KDM4C: variants seen among roughly 807,000 people sequenced by gnomAD.
KDM4C encodes lysine-specific demethylase 4C.
Under a neutral mutation model 129.3 loss-of-function variants are expected in KDM4C, and 81 were observed. The observed-to-expected ratio is 0.63, with a 90% CI of 0.52 to 0.75. The LOEUF (loss-of-function observed/expected upper bound fraction) is 0.75, where lower values mean the gene tolerates loss of function less well. KDM4C is among the 30% of genes least tolerant of loss of function. KDM4C has a pLI of 0.00. For missense variants in KDM4C, 1,457 were observed against 1,304.0 expected, an observed-to-expected ratio of 1.12 and a Z score of -1.81; for synonymous variants, 573 against 456.1, an observed-to-expected ratio of 1.26 and a Z score of -3.26.
At chr9:7,085,173 G>C (rs949270474) in intron 17 of KDM4C, among the ~76,000 whole-genome samples, 1 of 152,218 alleles carries the variant, frequency 6.6e-6, no homozygotes, top group Non-Finnish European at 1.5e-5. Flanking sequence ...AACCAGGAAG[G>C]GGCATTGGAG....
At chr9:6,827,825 G>T (rs981807096) in intron 4 of KDM4C, among the ~76,000 whole-genome samples, 1 of 152,212 alleles carries the variant, frequency 6.6e-6, no homozygotes, top group East Asian at 1.9e-4. Flanking sequence ...GTGAAATAAG[G>T]CTTCTAGGTA....
At chr9:7,153,456 TG>T (rs569744900) in intron 19 of KDM4C, among the ~76,000 whole-genome samples, 3 of 152,200 alleles carry the variant, frequency 2.0e-5, no homozygotes, top group African/African-American at 2.4e-5. Flanking sequence ...ATCCTTACAC[TG>T]GGGGGTATTG....
At chr9:6,967,875 C>G (rs1242403687) in intron 8 of KDM4C, among the ~76,000 whole-genome samples, 8 of 152,288 alleles carry the variant, frequency 5.3e-5, no homozygotes, top group Non-Finnish European at 1.0e-4. Flanking sequence ...GTCTTTACCA[C>G]TTGCATATTC....
At chr9:7,021,965 A>G (rs1242959398) in intron 15 of KDM4C, among the ~76,000 whole-genome samples, 3 of 152,162 alleles carry the variant, frequency 2.0e-5, no homozygotes, top group African/African-American at 7.2e-5. Flanking sequence ...AGTTTACTGT[A>G]GATGTATGGA....
chr9:6,772,172 CAG>C (rs752935251), intron 1 of KDM4C, among the ~76,000 whole-genome samples: 1 of 151,760 alleles, frequency 6.6e-6, no homozygotes, highest in Non-Finnish European at 1.5e-5. Context: ...TTTTTTGAGA[CAG>C]AGTCTCACTC....
At chr9:6,933,384 GC>G (rs1435540050) in intron 8 of KDM4C, among the ~76,000 whole-genome samples, 1 of 152,162 alleles carries the variant, frequency 6.6e-6, no homozygotes, top group Non-Finnish European at 1.5e-5. Context: ...TACATGCACT[GC>G]TTGGTGAGGG....
intron 8 of KDM4C, among the ~76,000 whole-genome samples, chr9:6,976,460 C>T (rs1450396297): frequency 1.3e-5 from 2 of 152,114 alleles, no homozygotes; most frequent in African/African-American, 4.8e-5. Context: ...ATTCAGAGGG[C>T]AATTTGTATT....
chr9:6,793,008 A>C lies in KDM4C; in HGVS notation c.20A>C (p.Glu7Ala), dbSNP rs372123977. 3.7e-6 allele frequency: 6 copies of C among 1,614,214 alleles called. No individual in the cohort carries two copies. Among genetic ancestry groups the C allele is most frequent in the Non-Finnish European group, 5.1e-6 (6 of 1,180,046 alleles). Residue 7 changes from glutamate to alanine, a missense_variant, in exon 2 of 22, where the codon GAA (glutamate) becomes GCA (alanine). By Grantham distance (107) the Glu-to-Ala change is moderately radical (BLOSUM62 -1). Coordinates refer to ENST00000381309, the MANE Select transcript of KDM4C (RefSeq NM_015061.6). ...ACCATCATGGAGGTGGCCGAGGTGG[A>C]AAGTCCTCTGAACCCCAGCTGTAAG... MEVAEVESPLNPSCKIM... is the reference protein window; with the variant it reads MEVAEVASPLNPSCKIM...
At chr9:6,874,007 C>T (rs535044551) in intron 5 of KDM4C, among the ~76,000 whole-genome samples, 3 of 152,072 alleles carry the variant, frequency 2.0e-5, no homozygotes, top group Admixed American at 2.0e-4. Context: ...AGAACACACA[C>T]ATTTATTATG....
chr9:6,936,734 A>T (rs761991429), intron 8 of KDM4C, among the ~76,000 whole-genome samples: 1 of 152,224 alleles, frequency 6.6e-6, no homozygotes, highest in Admixed American at 6.5e-5. Context: ...GGTTAAGAGC[A>T]CAGGCTTTTG....
At chr9:6,894,088 A>G (rs1238928400) in intron 8 of KDM4C, among the ~76,000 whole-genome samples, 2 of 152,250 alleles carry the variant, frequency 1.3e-5, no homozygotes, top group African/African-American at 2.4e-5. Flanking sequence ...GCTCAACTGA[A>G]TATCATTCAT....
At chr9:7,118,570 AC>A (rs1418547303) in intron 18 of KDM4C, among the ~76,000 whole-genome samples, 2 of 152,224 alleles carry the variant, frequency 1.3e-5, no homozygotes, top group African/African-American at 4.8e-5. Flanking sequence ...TTGAAAAAAT[AC>A]AATAATAATA....
chr9:7,100,383 A>G (rs1037908633), intron 17 of KDM4C, among the ~76,000 whole-genome samples: 1 of 152,094 alleles, frequency 6.6e-6, no homozygotes, highest in African/African-American at 2.4e-5. Context: ...TCTGTTACCC[A>G]GGCTGGAGTG....
intron 8 of KDM4C, among the ~76,000 whole-genome samples, chr9:6,943,471 C>G (rs7040935): frequency 0.36 from 54,783 of 151,698 alleles, 10,470 homozygotes; most frequent in African/African-American, 0.48. Flanking sequence ...CACTTCAGGA[C>G]GCCTAGTGGG....
intron 1 of KDM4C, among the ~76,000 whole-genome samples, chr9:6,723,284 A>G (rs963606029): frequency 9.9e-5 from 15 of 152,234 alleles, no homozygotes; most frequent in Middle Eastern, 3.4e-3. Flanking sequence ...CTGAGGTATG[A>G]GAATTCCTTG....
At chr9:7,096,977 C>G (rs1244190432) in intron 17 of KDM4C, among the ~76,000 whole-genome samples, 3 of 152,180 alleles carry the variant, frequency 2.0e-5, no homozygotes, top group Non-Finnish European at 4.4e-5. Flanking sequence ...TTTCAGCCTG[C>G]CATCCCTTGG....
intron 12 of KDM4C, among the ~76,000 whole-genome samples, chr9:7,000,166 C>T (rs1820475159): frequency 6.6e-6 from 1 of 151,980 alleles, no homozygotes; most frequent in Non-Finnish European, 1.5e-5. Context: ...CTCAGTTTAG[C>T]CTTATTTCTG....
intron 8 of KDM4C, chr9:6,974,821 T>G (rs780602192): frequency 6.6e-6 from 1 of 152,160 alleles, no homozygotes; most frequent in Non-Finnish European, 1.5e-5. Flanking sequence ...ACAAAACAAC[T>G]TTATCTACCC....
chr9:6,882,323 A>C (rs1844580943), intron 6 of KDM4C, among the ~76,000 whole-genome samples: 1 of 152,224 alleles, frequency 6.6e-6, no homozygotes, highest in South Asian at 2.1e-4. Context: ...TTAAATCATG[A>C]ATGACAGTTT....
Sources: allele counts gnomAD v4.1 joint callset (sites outside exome capture counted in the v4.1 genomes callset), GRCh38; gene constraint gnomAD v4.1.1; transcripts MANE v1.5; gene names NCBI Gene and HGNC (gene_info 2026-07-23, HGNC 2026-07-21).